Variants in PARP12 observed in about 807,000 individuals in gnomAD.
PARP12 encodes the protein protein mono-ADP-ribosyltransferase PARP12.
In PARP12, 59 loss-of-function variants were observed where a neutral mutation model predicts 72.4. The observed-to-expected ratio is 0.81, with a 90% confidence interval of 0.66 to 1.01. The LOEUF (loss-of-function observed/expected upper bound fraction) is 1.01. Among genes scored for constraint, PARP12 ranks in the 50% least tolerant of loss-of-function variants. PARP12 has a pLI of 0.00. For missense variants in PARP12, 851 were observed against 914.0 expected, an observed-to-expected ratio of 0.93 and a Z score of 0.89; for synonymous variants, 403 against 371.4, an observed-to-expected ratio of 1.09 and a Z score of -0.98.
At position 140,061,983 on chromosome 7, in the gene PARP12, CGGG is replaced by C. The variant is rs34674660; in HGVS notation, c.326+536_326+538del. ...AAATGCCCAGGCTCCCAGAAATGCC[CGGG>C]GGGGGGGGGGTGTTCCAGTCACAGA... is the stretch of plus-strand genomic sequence containing the variant. On this transcript the variant is annotated intron_variant, in intron 1 of 11. Transcript: ENST00000263549. 5.5e-3 allele frequency among the ~76,000 whole-genome samples: 497 copies of C among 89,888 alleles called. 20 individuals are homozygous for C. The highest frequency in any genetic ancestry group is 0.038 in the Middle Eastern group (6 of 158). The allele number at this position is 89,888 out of a possible 152,430, so 59.0% of individuals were successfully genotyped here. A position where few individuals can be genotyped will look rare whatever the true frequency, so the allele number is the denominator to read the frequency against.
chr7:140,025,296 T>A (rs1363015340), intron 11 of PARP12: 6 of 293,400 alleles, frequency 2.0e-5, no homozygotes, highest in Non-Finnish European at 4.0e-5. Context: ...CTGTAGACTC[T>A]GGCAGCCCAA....
intron 5 of PARP12, 40 bp downstream of exon 5, chr7:140,046,844 A>T: frequency 7.1e-7 from 1 of 1,402,230 alleles, no homozygotes; most frequent in African/African-American, 1.7e-5. Flanking sequence ...CACACACAGA[A>T]GCCCAGGCAC....
intron 8 of PARP12, 144 bp downstream of exon 8, chr7:140,034,091 G>C: frequency 1.5e-6 from 2 of 1,351,620 alleles, no homozygotes; most frequent in Non-Finnish European, 1.9e-6. Context: ...ACTAGTAGAA[G>C]ACAAACGATA....
chr7:140,058,674 GTCGT>G (rs1817300824), intron 1 of PARP12, among the ~76,000 whole-genome samples: 2 of 152,142 alleles, frequency 1.3e-5, no homozygotes, highest in Admixed American at 1.3e-4. Context: ...ATCGATTTCT[GTCGT>G]TTAAGCCTCC....
chr7:140,058,499 C>T (rs75483305), intron 1 of PARP12, among the ~76,000 whole-genome samples: 1 of 110,948 alleles, frequency 9.0e-6, no homozygotes, highest in Admixed American at 9.6e-5. Context: ...GACTCAGTCT[C>T]AAAAAAAAAA....
At chr7:140,040,332 G>A (rs1363313383) in intron 6 of PARP12, among the ~76,000 whole-genome samples, 4 of 152,312 alleles carry the variant, frequency 2.6e-5, no homozygotes, top group East Asian at 3.9e-4. Context: ...CGCCCACGAC[G>A]GGAGGGAGAC....
At chr7:140,041,614 A>C (rs377064775) in intron 6 of PARP12, 30 bp downstream of exon 6, 15 of 1,597,736 alleles carry the variant, frequency 9.4e-6, no homozygotes, top group South Asian at 7.9e-5. Context: ...CCTCAGGACA[A>C]AACATTCACC....
At chr7:140,041,519 C>T (rs747275322) in intron 6 of PARP12, 125 bp downstream of exon 6, 89 of 940,650 alleles carry the variant, frequency 9.5e-5, no homozygotes, top group Non-Finnish European at 1.3e-4. Flanking sequence ...AAGTGAGCCA[C>T]ACTGGCACCT....
At chr7:140,058,709 T>C (rs997072980) in intron 1 of PARP12, among the ~76,000 whole-genome samples, 3 of 152,286 alleles carry the variant, frequency 2.0e-5, no homozygotes, top group South Asian at 2.1e-4. Flanking sequence ...TACTTTGTTA[T>C]GGCAGCGCTG....
chr7:140,026,104 C>T, intron 11 of PARP12, 93 bp downstream of exon 11: 2 of 1,584,690 alleles, frequency 1.3e-6, no homozygotes, highest in Non-Finnish European at 1.7e-6. Context: ...TGCTCATCAG[C>T]TCAGGCTGGT....
intron 8 of PARP12, among the ~76,000 whole-genome samples, chr7:140,030,509 A>G (rs1815898383): frequency 6.6e-6 from 1 of 152,202 alleles, no homozygotes; most frequent in African/African-American, 2.4e-5. Context: ...GAGACAGGAG[A>G]ATCGCTTGAA....
chr7:140,047,576 A>C (rs1816783352), intron 4 of PARP12, among the ~76,000 whole-genome samples: 1 of 152,160 alleles, frequency 6.6e-6, no homozygotes, highest in African/African-American at 2.4e-5. Flanking sequence ...AACAAAATGG[A>C]CTAAGACATA....
In PARP12 at chr7:140,024,897, C is replaced by T. The variant is rs773708580; in HGVS notation, c.1781-12G>A. On this transcript the variant is annotated splice_polypyrimidine_tract_variant and intron_variant, in intron 11 of 11. Transcript: ENST00000263549. ...GGCAAAGTAGCTCCCTGAAATGACA[C>T]ACGAGGGCTCAGCTGGTGGAGGGGC... 13 of 1,609,404 alleles carry T rather than the reference C, an allele frequency of 8.1e-6. No homozygotes were observed. The highest frequency in any genetic ancestry group is 2.2e-5 in the East Asian group (1 of 44,804).
chr7:140,039,122 T>C (rs972329668), intron 6 of PARP12, among the ~76,000 whole-genome samples: 2 of 152,224 alleles, frequency 1.3e-5, no homozygotes, highest in Non-Finnish European at 2.9e-5. Flanking sequence ...TAGTTTACGG[T>C]CTCATAGCGG....
chr7:140,047,123 G>C (rs145942607), intron 4 of PARP12, 116 bp from the exon 5 acceptor site: 53 of 1,233,276 alleles, frequency 4.3e-5, no homozygotes, highest in Non-Finnish European at 5.8e-5. Context: ...TGAAATGTGT[G>C]GTGGAGTCTG....
rs1816165473 is a variant in PARP12, at chr7:140,035,990, GAGGAGGAGGAGAAGGAGGAGA to G, written c.1325-1680_1325-1660del. Among the ~76,000 whole-genome samples, 21 of 83,564 alleles carry G rather than the reference GAGGAGGAGGAGAAGGAGGAGA, an allele frequency of 2.5e-4. 1 individual carries two copies. Among genetic ancestry groups the G allele is most frequent in the African/African-American group, 4.1e-4 (5 of 12,086 alleles). 54.8% of individuals were successfully genotyped at this position (83,564 alleles called of 152,430 possible). A position where few individuals can be genotyped will look rare whatever the true frequency, so the allele number is the denominator to read the frequency against. On this transcript the variant is annotated intron_variant, in intron 7 of 11. Coordinates refer to ENST00000263549, the MANE Select transcript of PARP12 (RefSeq NM_022750.4). ...GGAGGACGAGGAGGAGGAGGAGGAG[GAGGAGGAGGAGAAGGAGGAGA>G]AGGAGGAGAAGGAGGAGAAGGAGGA...
At chr7:140,062,430 C>T in intron 1 of PARP12, 92 bp downstream of exon 1, 1 of 1,316,776 alleles carries the variant, frequency 7.6e-7, no homozygotes, top group Non-Finnish European at 1.0e-6. Context: ...GAATTGTCTG[C>T]TCAAACTTCA....
At chr7:140,052,732 T>TTGTGTGTGTGTGTGTG (rs9340762) in intron 4 of PARP12, among the ~76,000 whole-genome samples, 17 of 145,704 alleles carry the variant, frequency 1.2e-4, no homozygotes, top group African/African-American at 4.3e-4. Flanking sequence ...AAGACCCCTT[T>TTGTGTGTGTGTGTGTG]TGTGTGTGTG....
Position 140,046,721 on chromosome 7 carries a change from A to AGTGTGTGTGT in PARP12, c.986+153_986+162dup, listed in dbSNP as rs9340757. Among the ~76,000 whole-genome samples the AGTGTGTGTGT allele has an allele frequency of 2.9e-3, 392 of 135,484 alleles. 5 individuals are homozygous for AGTGTGTGTGT. The highest frequency in any genetic ancestry group is 0.02 in the South Asian group (82 of 4,022). The allele number at this position is 135,484 out of a possible 152,430, so 88.9% of individuals were successfully genotyped here. A position where few individuals can be genotyped will look rare whatever the true frequency, so the allele number is the denominator to read the frequency against. On this transcript the variant is annotated intron_variant, in intron 5 of 11. Coordinates refer to ENST00000263549, the MANE Select transcript of PARP12 (RefSeq NM_022750.4). ...TCTACCTCCAGACTAGGTGGCTCAC[A>AGTGTGTGTGT]GTGTGTGTGTGTGTGTGTGTGTGTG...
Sources: allele counts gnomAD v4.1 joint callset (sites outside exome capture counted in the v4.1 genomes callset), GRCh38; gene constraint gnomAD v4.1.1; transcripts MANE v1.5; gene names NCBI Gene and HGNC (gene_info 2026-07-23, HGNC 2026-07-21).